Variants in DOCK3 observed in about 807,000 individuals in gnomAD.
DOCK3 encodes dedicator of cytokinesis 3.
DOCK3 carries 60 observed loss-of-function variants against 265.6 expected under a neutral mutation model. That is an observed-to-expected ratio of 0.23 (90% CI 0.18 to 0.28). The LOEUF (loss-of-function observed/expected upper bound fraction) is 0.28. Ranked by LOEUF, DOCK3 falls within the 10% of genes least tolerant of loss-of-function variation. DOCK3 has a pLI of 1.00. For missense variants in DOCK3, 1,981 were observed against 2,594.3 expected, an observed-to-expected ratio of 0.76 and a Z score of 5.14; for synonymous variants, 881 against 938.0, an observed-to-expected ratio of 0.94 and a Z score of 1.11.
At chr3:51,257,266 A>G (rs1233840139) in intron 22 of DOCK3, among the ~76,000 whole-genome samples, 1 of 152,178 alleles carries the variant, frequency 6.6e-6, no homozygotes, top group East Asian at 1.9e-4. Context: ...GTAAGTTTCC[A>G]TCTAATCCTG....
At chr3:51,142,305 A>G (rs2085100957) in intron 9 of DOCK3, among the ~76,000 whole-genome samples, 1 of 152,220 alleles carries the variant, frequency 6.6e-6, no homozygotes, top group Non-Finnish European at 1.5e-5. Flanking sequence ...GAGTCCTGAC[A>G]AATGTATATA....
At chr3:50,776,162 A>G (rs773014738) in intron 1 of DOCK3, among the ~76,000 whole-genome samples, 3 of 152,142 alleles carry the variant, frequency 2.0e-5, no homozygotes, top group Non-Finnish European at 4.4e-5. Flanking sequence ...AGGAATCTCC[A>G]TACTGTTTTC....
intron 2 of DOCK3, among the ~76,000 whole-genome samples, chr3:50,807,198 G>A (rs1049383045): frequency 1.3e-5 from 2 of 150,984 alleles, no homozygotes. Flanking sequence ...GGTTCTTGTG[G>A]AGGAGACAAG....
chr3:51,285,107 C>G (rs2081336763), intron 27 of DOCK3, among the ~76,000 whole-genome samples: 1 of 152,150 alleles, frequency 6.6e-6, no homozygotes, highest in African/African-American at 2.4e-5. Flanking sequence ...CATGGCACAT[C>G]TTAAGCTCCA....
At chr3:51,196,768 C>T (rs2088324140) in intron 12 of DOCK3, among the ~76,000 whole-genome samples, 1 of 152,180 alleles carries the variant, frequency 6.6e-6, no homozygotes, top group African/African-American at 2.4e-5. Context: ...GTAAATTTCT[C>T]ATTCATATCC....
At chr3:50,854,592 G>GTTTTTTTTGTTTTTTT (rs2046497112) in intron 3 of DOCK3, among the ~76,000 whole-genome samples, 1 of 47,214 alleles carries the variant, frequency 2.1e-5, no homozygotes, top group Non-Finnish European at 3.6e-5. Flanking sequence ...CATCACACCA[G>GTTTTTTTTGTTTTTTT]TTTTTTTTTT....
intron 27 of DOCK3, among the ~76,000 whole-genome samples, chr3:51,307,899 T>C (rs75020651): frequency 1.2e-4 from 18 of 151,028 alleles, no homozygotes; most frequent in South Asian, 4.2e-4. Flanking sequence ...TTGTTTTTTT[T>C]TTCTCTCCAA....
intron 5 of DOCK3, among the ~76,000 whole-genome samples, chr3:51,049,729 A>G (rs1178103224): frequency 6.6e-6 from 1 of 151,964 alleles, no homozygotes; most frequent in Non-Finnish European, 1.5e-5. Context: ...ATAAGAAAGG[A>G]AGGAGAAAAA....
At chr3:50,880,553 T>C in intron 3 of DOCK3, 1 of 199,014 alleles carries the variant, frequency 5.0e-6, no homozygotes, top group Non-Finnish European at 1.0e-5. Context: ...CCTGGATATA[T>C]ACACCCTCCC....
intron 12 of DOCK3, among the ~76,000 whole-genome samples, chr3:51,165,649 A>G (rs1371618921): frequency 6.6e-6 from 1 of 152,174 alleles, no homozygotes; most frequent in Non-Finnish European, 1.5e-5. Context: ...CTCTGCTTCT[A>G]TGAATGACTT....
At chr3:51,161,471 C>T (rs932993966) in intron 12 of DOCK3, among the ~76,000 whole-genome samples, 14 of 151,452 alleles carry the variant, frequency 9.2e-5, no homozygotes, top group Non-Finnish European at 2.1e-4. Flanking sequence ...AAAAAAAGAA[C>T]AAAAAAATAA....
At chr3:51,352,308 G>T (rs1202003202) in intron 40 of DOCK3, among the ~76,000 whole-genome samples, 1 of 152,010 alleles carries the variant, frequency 6.6e-6, no homozygotes, top group African/African-American at 2.4e-5. Context: ...CATTATTTTG[G>T]ATATTACAGA....
intron 27 of DOCK3, among the ~76,000 whole-genome samples, chr3:51,290,881 C>A (rs1038507556): frequency 5.3e-5 from 8 of 152,062 alleles, no homozygotes; most frequent in African/African-American, 1.4e-4. Flanking sequence ...GAGTTCAAGA[C>A]CAGCCTGGTC....
At chr3:50,886,834 T>TA (rs2048366335) in intron 3 of DOCK3, among the ~76,000 whole-genome samples, 1 of 151,992 alleles carries the variant, frequency 6.6e-6, no homozygotes, top group Non-Finnish European at 1.5e-5. Flanking sequence ...AGACACAACA[T>TA]ACCAGAATCT....
intron 9 of DOCK3, among the ~76,000 whole-genome samples, chr3:51,138,618 A>G (rs1257766396): frequency 2.0e-5 from 3 of 152,210 alleles, no homozygotes; most frequent in Non-Finnish European, 2.9e-5. Flanking sequence ...ATTTTTGGAC[A>G]AGACCTTGGT....
At chr3:50,680,902 TTC>T (rs1576065904) in intron 1 of DOCK3, among the ~76,000 whole-genome samples, 2 of 152,176 alleles carry the variant, frequency 1.3e-5, no homozygotes, top group East Asian at 3.9e-4. Flanking sequence ...TGCAAATATT[TTC>T]TCCCATTCTG....
intron 6 of DOCK3, among the ~76,000 whole-genome samples, chr3:51,067,427 T>TTGTGTGTG (rs60551624): frequency 0.28 from 40,888 of 143,862 alleles, 5,862 homozygotes; most frequent in Middle Eastern, 0.33. Flanking sequence ...TGAAATATGT[T>TTGTGTGTG]TGTGTGTGTG....
At chr3:50,837,667 C>G (rs1424447670) in intron 2 of DOCK3, among the ~76,000 whole-genome samples, 2 of 152,132 alleles carry the variant, frequency 1.3e-5, no homozygotes, top group African/African-American at 2.4e-5. Flanking sequence ...GAAAACTTCT[C>G]TCTTCTGTGT....
At chr3:51,162,913 G>A (rs1392928128) in intron 12 of DOCK3, among the ~76,000 whole-genome samples, 1 of 152,142 alleles carries the variant, frequency 6.6e-6, no homozygotes, top group Non-Finnish European at 1.5e-5. Context: ...GATTAATAGA[G>A]TTAAAATGTA....
Sources: gnomAD v4.1 joint callset for allele counts (sites outside exome capture counted in the v4.1 genomes callset) on GRCh38, gnomAD v4.1.1 for gene constraint, MANE v1.5 for transcripts, NCBI Gene and HGNC (gene_info 2026-07-23, HGNC 2026-07-21) for gene names.